Variants in ZNF407 observed in about 807,000 individuals in gnomAD.
The protein encoded by ZNF407 is zinc finger protein 407.
ZNF407 carries 17 observed loss-of-function variants against 131.2 expected under a neutral mutation model. That is an observed-to-expected ratio of 0.13 (90% CI 0.09 to 0.19). The LOEUF is 0.19. ZNF407 is among the 10% of genes least tolerant of loss of function. The probability of loss-of-function intolerance (pLI) is 1.00; values close to 1 mark genes in which losing one functional copy is unlikely to be tolerated. For synonymous variants in ZNF407, 1,156 were observed against 1,062.0 expected (o/e 1.09, Z -1.72); for missense variants, 2,681 against 2,830.6 (o/e 0.95, Z 1.20).
chr18:75,014,786 C>T (rs1973024024), intron 8 of ZNF407, among the ~76,000 whole-genome samples: 1 of 152,036 alleles, frequency 6.6e-6, no homozygotes, highest in East Asian at 1.9e-4. Context: ...ATTTGTATTA[C>T]TTTTTTTCTT....
At chr18:74,598,130 C>G (rs1345896519) in intron 1 of ZNF407, 193 bp downstream of exon 1, 1 of 151,118 alleles carries the variant, frequency 6.6e-6, no homozygotes, top group East Asian at 2.0e-4. Flanking sequence ...CTTCCCGACA[C>G]CCGCCCAGAC....
chr18:75,010,880 T>C (rs569794569), intron 8 of ZNF407, among the ~76,000 whole-genome samples: 1 of 152,300 alleles, frequency 6.6e-6, no homozygotes, highest in African/African-American at 2.4e-5. Context: ...GTCCATGAAA[T>C]GCTGCCCTGT....
At chr18:75,025,524 T>C (rs1395560137) in intron 8 of ZNF407, among the ~76,000 whole-genome samples, 1 of 152,228 alleles carries the variant, frequency 6.6e-6, no homozygotes, top group Admixed American at 6.5e-5. Context: ...GGAGCAGGTC[T>C]GTGCAATGTG....
chr18:74,599,089 A>G (rs1982456856), intron 1 of ZNF407, among the ~76,000 whole-genome samples: 1 of 152,200 alleles, frequency 6.6e-6, no homozygotes, highest in Non-Finnish European at 1.5e-5. Context: ...ACATATACTC[A>G]TCAGAACCTT....
intron 3 of ZNF407, among the ~76,000 whole-genome samples, chr18:74,774,011 A>C (rs142199635): frequency 6.6e-6 from 1 of 152,238 alleles, no homozygotes; most frequent in Non-Finnish European, 1.5e-5. Flanking sequence ...GAAAATAAGG[A>C]AGAACCCAAC....
intron 3 of ZNF407, among the ~76,000 whole-genome samples, chr18:74,731,043 A>G (rs780388250): frequency 6.6e-6 from 1 of 152,228 alleles, no homozygotes; most frequent in Non-Finnish European, 1.5e-5. Context: ...ATTATGAGAT[A>G]TTCCATCTCT....
In ZNF407 at chr18:74,634,833, A is replaced by G. The variant is rs1174810323; in HGVS notation, c.3814A>G (p.Arg1272Gly). Reference sequence around the variant, plus strand: ...TGTGCTCGTTGTGACAAGAATAACCAGAGAACAGGGAAATCTGGAGAGCGG... The same window carrying G: ...TGTGCTCGTTGTGACAAGAATAACCGGAGAACAGGGAAATCTGGAGAGCGG... ...SPVLVVTRIT[R>G]EQGNLESGGQ... The change falls in exon 2 of 9, where the codon AGA becomes GGA. Residue 1272 changes from arginine (R) to glycine (G), a missense_variant. Around this residue, in one of 6 missense-constraint regions of ZNF407, gnomAD observed 1,789 missense variants for 1,748.7 expected, o/e 1.02. Coordinates refer to ENST00000299687, the MANE Select transcript of ZNF407 (RefSeq NM_017757.3). The G allele has an allele frequency of 6.2e-7, 1 of 1,613,960 alleles. No homozygotes were observed. Among genetic ancestry groups the G allele is most frequent in the Non-Finnish European group, 8.5e-7 (1 of 1,179,854 alleles).
intron 3 of ZNF407, among the ~76,000 whole-genome samples, chr18:74,753,967 C>T (rs544818959): frequency 1.1e-4 from 16 of 152,184 alleles, no homozygotes; most frequent in Non-Finnish European, 1.0e-4. Context: ...GCTGTGAATC[C>T]GTCTGGTCCT....
At position 74,704,481 on chromosome 18, in the gene ZNF407, C is replaced by T. The variant is rs185887018; in HGVS notation, c.4802+63359C>T. Among the ~76,000 whole-genome samples the T allele has an allele frequency of 1.8e-4, 28 of 152,300 alleles. No individual in the cohort carries two copies. The East Asian group carries it at 2.5e-3, about 14-fold the overall frequency. On this transcript the variant is annotated intron_variant, in intron 3 of 8. Coordinates refer to ENST00000299687, the MANE Select transcript of ZNF407 (RefSeq NM_017757.3). The stretch of plus-strand genomic sequence containing the variant: ...GTGGAGCTTGACACAGATCTGGGCT[C>T]ATGGCGAGAGGGACCTATAGAGAGT...
In ZNF407 at chr18:74,864,315, G is replaced by C. The variant is rs527779870; in HGVS notation, c.4878-12882G>C. Among the ~76,000 whole-genome samples the C allele has an allele frequency of 7.2e-5, 11 of 152,228 alleles. No homozygotes were observed. In the South Asian group the frequency reaches 1.0e-3, roughly 14 times the overall value. ...GGTTAGTGGAAATTAGAATTATAGGGTTTTATTATTGGATCATACTTCGAA... is the reference window on the plus strand; with the variant it reads ...GGTTAGTGGAAATTAGAATTATAGGCTTTTATTATTGGATCATACTTCGAA... On this transcript the variant is annotated intron_variant, in intron 4 of 8. Transcript: ENST00000299687.
chr18:74,655,096 T>C (rs1985394612), intron 3 of ZNF407, among the ~76,000 whole-genome samples: 1 of 152,046 alleles, frequency 6.6e-6, no homozygotes, highest in African/African-American at 2.4e-5. Flanking sequence ...AATTTCTATA[T>C]TATGTGACAA....
intron 8 of ZNF407, among the ~76,000 whole-genome samples, chr18:74,924,357 A>G (rs12961946): frequency 0.014 from 2,057 of 152,166 alleles, 16 homozygotes; most frequent in Non-Finnish European, 0.023. Flanking sequence ...TCCACATCCA[A>G]GTTTCTGAAG....
chr18:74,881,376 AG>A (rs1484548429), intron 6 of ZNF407, among the ~76,000 whole-genome samples: 1 of 152,224 alleles, frequency 6.6e-6, no homozygotes, highest in African/African-American at 2.4e-5. Flanking sequence ...GTAAAACAGC[AG>A]GTTGGCTTCC....
intron 8 of ZNF407, among the ~76,000 whole-genome samples, chr18:74,963,748 C>G (rs1419094864): frequency 1.3e-5 from 2 of 152,156 alleles, no homozygotes; most frequent in African/African-American, 4.8e-5. Flanking sequence ...TTTCAGATGG[C>G]TTATACTTTA....
Position 74,967,528 on chromosome 18 carries a change from A to G in ZNF407, c.5428+46836A>G, listed in dbSNP as rs946669212. 2.9e-4 allele frequency among the ~76,000 whole-genome samples: 44 copies of G among 152,276 alleles called. 1 individual carries two copies. The highest frequency in any genetic ancestry group is 8.7e-4 in the African/African-American group (36 of 41,550). ...TTTTTCTTTCTGTCTTGCCTCTTCA[A>G]TCATTACCATCCATTTTCTTATTTC... On this transcript the variant is annotated intron_variant, in intron 8 of 8. Coordinates refer to ENST00000299687, the MANE Select transcript of ZNF407 (RefSeq NM_017757.3).
At position 75,064,608 on chromosome 18, in the gene ZNF407, G is replaced by C; in HGVS notation, c.*140G>C. 1 of 790,580 alleles carries C rather than the reference G, an allele frequency of 1.3e-6. No homozygotes were observed. The allele number at this position is 790,580 out of a possible 1,614,324, so 49.0% of individuals were successfully genotyped here. ...CGTGAGCTCTGAGCATGCCCTCCCA[G>C]CGAGAGTCACACTGGCCACCAGCCA... is the stretch of plus-strand genomic sequence containing the variant. On this transcript the variant is annotated 3_prime_UTR_variant, in exon 9 of 9. Transcript: ENST00000299687.
chr18:75,038,033 G>A (rs886374754), intron 8 of ZNF407, among the ~76,000 whole-genome samples: 8 of 152,138 alleles, frequency 5.3e-5, no homozygotes, highest in Non-Finnish European at 1.2e-4. Flanking sequence ...ATCATAACGT[G>A]AAGACTAATT....
intron 8 of ZNF407, among the ~76,000 whole-genome samples, chr18:75,055,282 G>T (rs1054898311): frequency 6.6e-6 from 1 of 152,200 alleles, no homozygotes; most frequent in African/African-American, 2.4e-5. Context: ...CGCCCTCCAT[G>T]AAACTCAATG....
chr18:74,786,288 A>G (rs9946811), intron 4 of ZNF407, among the ~76,000 whole-genome samples: 2,773 of 152,260 alleles, frequency 0.018, 78 homozygotes, highest in African/African-American at 0.056. Context: ...GATTTATTCT[A>G]ATGGATGTGT....
Sources: gnomAD v4.1 joint callset for allele counts (sites outside exome capture counted in the v4.1 genomes callset) on GRCh38, gnomAD v4.1.1 for gene constraint, gnomAD v4.1.1 regional missense constraint, MANE v1.5 for transcripts, NCBI Gene and HGNC (gene_info 2026-07-23, HGNC 2026-07-21) for gene names.